The following HDAC9 variants were observed in gnomAD, a reference collection of about 807,000 sequenced individuals.
HDAC9 encodes histone deacetylase 9, also known as MEF-2 interacting transcription repressor (MITR) protein.
Under a neutral mutation model 139.4 loss-of-function variants are expected in HDAC9, and 41 were observed. The ratio of observed to expected loss-of-function variants is 0.29; its 90% confidence interval spans 0.23 to 0.38. HDAC9 has a LOEUF of 0.38. Ranked by LOEUF, HDAC9 falls within the 10% of genes least tolerant of loss-of-function variation. The pLI is 1.00. For synonymous variants in HDAC9, 517 were observed against 476.2 expected (o/e 1.09, Z -1.12); for missense variants, 1,147 against 1,297.0 (o/e 0.88, Z 1.78).
At chr7:18,389,378 T>A (rs1336507391) in intron 1 of HDAC9, among the ~76,000 whole-genome samples, 1 of 152,236 alleles carries the variant, frequency 6.6e-6, no homozygotes, top group Non-Finnish European at 1.5e-5. Context: ...AGCTCTCCTG[T>A]ATTCTTCAGG....
chr7:18,435,555 G>T (rs1437222501), intron 1 of HDAC9, among the ~76,000 whole-genome samples: 3 of 151,990 alleles, frequency 2.0e-5, no homozygotes, highest in Non-Finnish European at 4.4e-5. Flanking sequence ...TTATTCATTT[G>T]ACCCTAGTTA....
intron 1 of HDAC9, among the ~76,000 whole-genome samples, chr7:18,326,496 A>G (rs1800457813): frequency 6.6e-6 from 1 of 151,916 alleles, no homozygotes; most frequent in South Asian, 2.1e-4. Context: ...CCAATTCTCA[A>G]TTCCTCTTCA....
chr7:18,668,955 A>T, intron 12 of HDAC9: 1 of 888,332 alleles, frequency 1.1e-6, no homozygotes, highest in Non-Finnish European at 1.3e-6. Context: ...TTGAAACAAG[A>T]AAATAAAGAC....
chr7:18,883,619 G>A (rs891445592), intron 22 of HDAC9, among the ~76,000 whole-genome samples: 13 of 151,854 alleles, frequency 8.6e-5, no homozygotes, highest in African/African-American at 2.7e-4. Flanking sequence ...TTTTCCTAAG[G>A]TCAGGAACAA....
intron 1 of HDAC9, among the ~76,000 whole-genome samples, chr7:18,375,512 T>G (rs902088636): frequency 1.3e-4 from 19 of 151,994 alleles, no homozygotes; most frequent in African/African-American, 4.6e-4. Context: ...AGAATTTATA[T>G]AATGCGGTTG....
At chr7:18,380,432 G>C (rs1351870409) in intron 1 of HDAC9, among the ~76,000 whole-genome samples, 1 of 152,186 alleles carries the variant, frequency 6.6e-6, no homozygotes, top group Non-Finnish European at 1.5e-5. Context: ...TTGCAGTTTG[G>C]TTATTAAGAC....
intron 1 of HDAC9, among the ~76,000 whole-genome samples, chr7:18,104,416 A>G (rs1783065916): frequency 6.6e-6 from 1 of 152,172 alleles, no homozygotes; most frequent in Non-Finnish European, 1.5e-5. Context: ...CAATATAATT[A>G]AACTTACCTG....
At chr7:18,385,118 A>G (rs1361508855) in intron 1 of HDAC9, among the ~76,000 whole-genome samples, 1 of 152,222 alleles carries the variant, frequency 6.6e-6, no homozygotes, top group Non-Finnish European at 1.5e-5. Context: ...TTGAAAAAGA[A>G]AAGATTTATT....
At chr7:18,756,548 C>G (rs1347258413) in intron 14 of HDAC9, among the ~76,000 whole-genome samples, 2 of 152,188 alleles carry the variant, frequency 1.3e-5, no homozygotes, top group Non-Finnish European at 2.9e-5. Context: ...TTGCCTAAGG[C>G]AAATGCATAA....
chr7:18,296,302 G>A (rs1484941699), intron 1 of HDAC9, among the ~76,000 whole-genome samples: 1 of 152,066 alleles, frequency 6.6e-6, no homozygotes, highest in Non-Finnish European at 1.5e-5. Flanking sequence ...AGAAGTTTCA[G>A]TATTAAAACA....
intron 12 of HDAC9, among the ~76,000 whole-genome samples, chr7:18,703,940 G>A (rs6965090): frequency 0.21 from 31,676 of 152,034 alleles, 4,571 homozygotes; most frequent in African/African-American, 0.42. Context: ...CCCACAAGCA[G>A]ATCTTAGGCC....
intron 1 of HDAC9, among the ~76,000 whole-genome samples, chr7:18,480,072 AC>A (rs1307133020): frequency 1.3e-5 from 2 of 150,552 alleles, no homozygotes. Flanking sequence ...TCTGCTGCCA[AC>A]GAACTTTTTA....
chr7:18,111,226 A>T (rs1331392339), intron 1 of HDAC9, among the ~76,000 whole-genome samples: 1 of 152,212 alleles, frequency 6.6e-6, no homozygotes, highest in Non-Finnish European at 1.5e-5. Flanking sequence ...CCTAACTCAT[A>T]AGGAAGTCTT....
chr7:18,538,641 T>A lies in HDAC9; in HGVS notation c.22+42317T>A, dbSNP rs569452989. The stretch of plus-strand genomic sequence containing the variant: ...GAAAGCACCCTCTACATGATAACTT[T>A]CACATGATAGGGGTATGGATAAATT... On this transcript the variant is annotated intron_variant, in intron 2 of 25. Transcript: ENST00000686413. Among the ~76,000 whole-genome samples, 5 of 152,324 alleles carry A rather than the reference T, an allele frequency of 3.3e-5. No individual in the cohort carries two copies. The South Asian group carries it at 1.0e-3, about 32-fold the overall frequency.
chr7:18,284,690 A>G (rs1201259776), intron 2 of HDAC9, among the ~76,000 whole-genome samples: 1 of 152,170 alleles, frequency 6.6e-6, no homozygotes, highest in Non-Finnish European at 1.5e-5. Flanking sequence ...ATTAGGAATG[A>G]GAAAACTTAA....
chr7:18,392,191 G>A (rs189025028), intron 1 of HDAC9, among the ~76,000 whole-genome samples: 1 of 151,762 alleles, frequency 6.6e-6, no homozygotes, highest in African/African-American at 2.4e-5. Flanking sequence ...GGCAATCTGG[G>A]ATTATTATAA....
At chr7:18,866,335 C>T (rs1798494363) in intron 21 of HDAC9, among the ~76,000 whole-genome samples, 1 of 152,016 alleles carries the variant, frequency 6.6e-6, no homozygotes. Context: ...TACATGCTTA[C>T]TTGTTTATTT....
intron 12 of HDAC9, among the ~76,000 whole-genome samples, chr7:18,682,847 G>T (rs1781984949): frequency 6.6e-6 from 1 of 151,932 alleles, no homozygotes; most frequent in African/African-American, 2.4e-5. Flanking sequence ...TGGGCATGGT[G>T]GTGGGCGCCT....
At position 18,466,585 on chromosome 7, in the gene HDAC9, A is replaced by G. The variant is rs535744200; in HGVS notation, c.-41-29677A>G. 2.0e-5 allele frequency among the ~76,000 whole-genome samples: 3 copies of G among 152,292 alleles called. No individual in the cohort carries two copies. In the South Asian group the frequency reaches 6.2e-4, roughly 32 times the overall value. ...TGCTTCTGTCTCTTTATCATTGTAC[A>G]TCTCTGACCGACTCCTCTGACTTCC... On this transcript the variant is annotated intron_variant, in intron 1 of 3. Coordinates refer to the HDAC9 transcript ENST00000413509.
Sources: gnomAD v4.1 joint callset for allele counts (sites outside exome capture counted in the v4.1 genomes callset) on GRCh38, gnomAD v4.1.1 for gene constraint, MANE v1.5 for transcripts, NCBI Gene and HGNC (gene_info 2026-07-23, HGNC 2026-07-21) for gene names.